IL17D: variants seen among roughly 807,000 people sequenced by gnomAD.
IL17D encodes interleukin 17D.
In IL17D, 10 loss-of-function variants were observed where a neutral mutation model predicts 5.7. The observed-to-expected ratio is 1.75, with a 90% CI of 1.08 to 2.97. IL17D has a LOEUF of 2.97. IL17D is among the 30% of genes most tolerant of loss of function. The pLI is 0.00. For synonymous variants in IL17D, 172 were observed against 141.7 expected (o/e 1.21, Z -1.52); for missense variants, 354 against 292.7 (o/e 1.21, Z -1.53).
intron 1 of IL17D, among the ~76,000 whole-genome samples, chr13:20,719,120 C>G (rs2058711630): frequency 6.7e-6 from 1 of 150,324 alleles, no homozygotes; most frequent in Non-Finnish European, 1.5e-5. Flanking sequence ...CGCACACCTG[C>G]CCACACTCAT....
rs376152189 is a variant in IL17D, at chr13:20,721,405, C to T, written c.291-231C>T. On this transcript the variant is annotated intron_variant, in intron 1 of 1. Transcript: ENST00000682841. ...ATTTTTCTGCGCACATTAGCCCAGA[C>T]TCTGGAAGTAGTTTTCCGGCCTGGC... is the stretch of plus-strand genomic sequence containing the variant. Among the ~76,000 whole-genome samples, 22 of 152,370 alleles carry T rather than the reference C, an allele frequency of 1.4e-4. No individual in the cohort carries two copies. The East Asian group carries it at 3.5e-3, about 24-fold the overall frequency.
chr13:20,703,519 C>A, upstream of IL17D: 1 of 787,280 alleles, frequency 1.3e-6, no homozygotes, highest in Non-Finnish European at 1.5e-6. Context: ...CTGGGGCGGG[C>A]GGATGACGAG....
chr13:20,708,368 G>A (rs1373102837), intron 1 of IL17D, among the ~76,000 whole-genome samples: 1 of 152,152 alleles, frequency 6.6e-6, no homozygotes, highest in African/African-American at 2.4e-5. Flanking sequence ...TGGAGACCTG[G>A]GTCATTCAGT....
intron 1 of IL17D, among the ~76,000 whole-genome samples, chr13:20,715,012 A>T (rs2058668320): frequency 6.6e-6 from 1 of 152,124 alleles, no homozygotes; most frequent in Non-Finnish European, 1.5e-5. Context: ...TAGTGCTTCC[A>T]ATGTGGTGGT....
intron 1 of IL17D, chr13:20,712,661 G>A (rs1318889932): frequency 6.7e-6 from 1 of 149,862 alleles, no homozygotes; most frequent in Non-Finnish European, 1.5e-5. Flanking sequence ...TTTCAAATGT[G>A]TGTGCCGACG....
At chr13:20,712,668 GA>G (rs1358503230) in intron 1 of IL17D, 2 of 145,592 alleles carry the variant, frequency 1.4e-5, no homozygotes, top group East Asian at 3.9e-4. Context: ...TGTGTGTGCC[GA>G]CGCTAAAAAA....
chr13:20,720,310 C>T (rs1237475226), intron 1 of IL17D, among the ~76,000 whole-genome samples: 2 of 152,176 alleles, frequency 1.3e-5, no homozygotes, highest in Admixed American at 6.5e-5. Context: ...GCTCCCTCTG[C>T]GGCTCCAGCC....
intron 1 of IL17D, 138 bp from the exon 2 acceptor site, chr13:20,721,498 G>A (rs1432430327): frequency 7.8e-6 from 5 of 643,460 alleles, no homozygotes; most frequent in Non-Finnish European, 1.3e-5. Flanking sequence ...TTGTCGGCGG[G>A]GGGCCTCGCA....
At chr13:20,717,692 G>A (rs1395853262) in intron 1 of IL17D, among the ~76,000 whole-genome samples, 1 of 152,180 alleles carries the variant, frequency 6.6e-6, no homozygotes, top group East Asian at 1.9e-4. Flanking sequence ...CCCATTGTGA[G>A]AGAACTGCCT....
rs2058676584 is a variant in IL17D, at chr13:20,716,028, C to T, written c.291-5608C>T. 3.2e-6 allele frequency: 3 copies of T among 951,606 alleles called. No homozygotes were observed. The highest frequency in any genetic ancestry group is 3.8e-6 in the Non-Finnish European group (3 of 799,152). The allele number at this position is 951,606 out of a possible 1,614,324, so 58.9% of individuals were successfully genotyped here. A position where few individuals can be genotyped will look rare whatever the true frequency, so the allele number is the denominator to read the frequency against. Reference sequence around the variant, plus strand: ...GCGATTACAGGCATGAGCCACCGCGCCCGGCCAGAATCGACACTTTTAACA... The same window carrying T: ...GCGATTACAGGCATGAGCCACCGCGTCCGGCCAGAATCGACACTTTTAACA... On this transcript the variant is annotated intron_variant, in intron 1 of 1. Coordinates refer to ENST00000682841, the MANE Select transcript of IL17D (RefSeq NM_001385224.1). The surrounding 1 kb of genome is among the most constrained non-coding windows in gnomAD (Gnocchi z 4.2).
At position 20,704,245 on chromosome 13, in the gene IL17D, T is replaced by A; in HGVS notation, c.244T>A (p.Phe82Ile). 1 of 1,308,780 alleles carries A rather than the reference T, an allele frequency of 7.6e-7. No individual in the cohort carries two copies. Among genetic ancestry groups the A allele is most frequent in the Non-Finnish European group, 9.7e-7 (1 of 1,030,484 alleles). 81.1% of individuals were successfully genotyped at this position (1,308,780 alleles called of 1,614,324 possible). The part of the protein sequence containing the change: ...PAGGRPADRR[F>I]RPPTNLRSVS... The stretch of plus-strand genomic sequence containing the variant: ...AGGGGGCAGGCCCGCCGACCGCCGC[T>A]TCCGGCCGCCCACCAACCTGCGCAG... The change falls in exon 1 of 2, where the codon TTC (phenylalanine) becomes ATC (isoleucine). Residue 82 changes from phenylalanine to isoleucine, a missense_variant. Transcript: ENST00000682841.
chr13:20,712,815 A>C (rs915213630), intron 1 of IL17D: 4 of 152,178 alleles, frequency 2.6e-5, no homozygotes, highest in Non-Finnish European at 5.9e-5. Context: ...GTCCTCGCCC[A>C]GCGCACTGGC....
intron 1 of IL17D, among the ~76,000 whole-genome samples, chr13:20,719,510 T>C (rs978446857): frequency 2.6e-5 from 4 of 152,208 alleles, no homozygotes; most frequent in African/African-American, 7.2e-5. Flanking sequence ...CTCACACTCA[T>C]GTTCACGGTC....
intron 1 of IL17D, among the ~76,000 whole-genome samples, chr13:20,720,366 G>A (rs1411628848): frequency 6.6e-6 from 1 of 152,038 alleles, no homozygotes; most frequent in Non-Finnish European, 1.5e-5. Context: ...AATTCCATCT[G>A]AGGGACACTC....
In IL17D at chr13:20,704,268, C is replaced by T. The variant is rs1016538343; in HGVS notation, c.267C>T (p.Arg89=). The T allele has an allele frequency of 6.1e-5, 78 of 1,280,890 alleles. No homozygotes were observed. Among genetic ancestry groups the T allele is most frequent in the Middle Eastern group, 6.1e-4 (2 of 3,280 alleles). The allele number at this position is 1,280,890 out of a possible 1,614,324, so 79.3% of individuals were successfully genotyped here. A position where few individuals can be genotyped will look rare whatever the true frequency, so the allele number is the denominator to read the frequency against. Residue 89 remains arginine, a synonymous_variant, in exon 1 of 2, where the codon CGC becomes CGT. Coordinates refer to ENST00000682841, the MANE Select transcript of IL17D (RefSeq NM_001385224.1). ...GCTTCCGGCCGCCCACCAACCTGCG[C>T]AGCGTGTCGCCCTGGGCCTACAGGT... ...DRRFRPPTNL[R]SVSPWAYRIS... is the part of the protein sequence containing the mutation.
chr13:20,722,780 C>T lies in IL17D; in HGVS notation c.*826C>T, dbSNP rs2058747729. 6.6e-6 allele frequency: 1 copy of T among 152,160 alleles called. No homozygotes were observed. The highest frequency in any genetic ancestry group is 6.5e-5 in the Admixed American group (1 of 15,276). The allele number at this position is 152,160 out of a possible 1,614,324, so 9.4% of individuals were successfully genotyped here. A position where few individuals can be genotyped will look rare whatever the true frequency, so the allele number is the denominator to read the frequency against. ...CTCAAACTCGCACAATTTTTTCCCC[C>T]TTTTGAAAGCCACTGGGGCCAATTT... On this transcript the variant is annotated 3_prime_UTR_variant, in exon 2 of 2. Coordinates refer to ENST00000682841, the MANE Select transcript of IL17D (RefSeq NM_001385224.1).
chr13:20,719,173 C>T (rs771692643), intron 1 of IL17D, among the ~76,000 whole-genome samples: 86 of 149,704 alleles, frequency 5.7e-4, no homozygotes, highest in Middle Eastern at 3.5e-3. Flanking sequence ...CCATCACGCA[C>T]GCCTGCCTAC....
In IL17D at chr13:20,720,796, T is replaced by C. The variant is rs540744857; in HGVS notation, c.291-840T>C. On this transcript the variant is annotated intron_variant, in intron 1 of 1. Transcript: ENST00000682841. ...CAAGAGGTGGCTGGGTGCAGTCCTG[T>C]GTCAGTCACCGGCTTCCTCTGATGG... 2.0e-4 allele frequency among the ~76,000 whole-genome samples: 30 copies of C among 152,072 alleles called. No individual in the cohort carries two copies. The South Asian group carries it at 6.0e-3, about 31-fold the overall frequency.
intron 1 of IL17D, among the ~76,000 whole-genome samples, chr13:20,707,991 C>T (rs1594996439): frequency 6.6e-6 from 1 of 152,222 alleles, no homozygotes; most frequent in Non-Finnish European, 1.5e-5. Context: ...TGGCAGACTA[C>T]AACCTCCATC....
Sources: allele counts gnomAD v4.1 joint callset (sites outside exome capture counted in the v4.1 genomes callset), GRCh38; gene constraint gnomAD v4.1.1; non-coding constraint Gnocchi (gnomAD v3.1); transcripts MANE v1.5; gene names NCBI Gene and HGNC (gene_info 2026-07-23, HGNC 2026-07-21).